Variants in ZNF280C observed in about 807,000 individuals in gnomAD.
The protein encoded by ZNF280C is suppressor of hairy wing homolog 3.
A neutral mutation model predicts 53.6 loss-of-function variants in ZNF280C; 14 were observed. That is an observed-to-expected ratio of 0.26 (90% CI 0.17 to 0.41). The LOEUF (loss-of-function observed/expected upper bound fraction) is 0.41, where lower values mean the gene tolerates loss of function less well. Among genes scored for constraint, ZNF280C ranks in the 10% least tolerant of loss-of-function variants. The pLI, the probability that ZNF280C is intolerant of heterozygous loss-of-function variation, is 1.00. For missense variants in ZNF280C, 416 were observed against 547.1 expected (o/e 0.76, Z 2.39); for synonymous variants, 203 against 181.1 (o/e 1.12, Z -0.97).
chrX:130,260,910 A>C (rs1185875176), intron 1 of ZNF280C, among the ~76,000 whole-genome samples: 1 of 112,223 alleles, frequency 8.9e-6, no homozygotes, highest in Non-Finnish European at 1.9e-5. Context: ...CCTGTAATAT[A>C]TGTTTTAGTA....
In ZNF280C at chrX:130,227,859, GTAA is replaced by G. The variant is rs1569434755; in HGVS notation, c.1148-80_1148-78del. 3 of 528,481 alleles carry G rather than the reference GTAA, an allele frequency of 5.7e-6. No homozygotes were observed. The East Asian group carries it at 1.1e-4, about 19-fold the overall frequency. The allele number at this position is 528,481 out of a possible 1,213,427, so 43.6% of individuals were successfully genotyped here. A position where few individuals can be genotyped will look rare whatever the true frequency, so the allele number is the denominator to read the frequency against. ...GATTCATTTTGTACATCCACAACAA[GTAA>G]TAATAATAGTAGAAGTAACAGTGAT... On this transcript the variant is annotated intron_variant, in intron 10 of 18. Transcript: ENST00000370978.
intron 1 of ZNF280C, among the ~76,000 whole-genome samples, chrX:130,265,289 T>A (rs1182123489): frequency 8.9e-6 from 1 of 111,967 alleles, no homozygotes; most frequent in African/African-American, 3.2e-5. Context: ...ACATTTTATG[T>A]CAGCTTTGGG....
intron 3 of ZNF280C, among the ~76,000 whole-genome samples, chrX:130,244,878 T>C (rs957849011): frequency 5.5e-5 from 6 of 109,823 alleles, no homozygotes; most frequent in South Asian, 7.8e-4. Flanking sequence ...TTTCTGATCA[T>C]AGAAATGCAG....
chrX:130,215,317 G>A lies in ZNF280C; in HGVS notation c.1855C>T (p.His619Tyr). The change falls in exon 15 of 19, where the codon CAC (histidine) becomes TAC (tyrosine). Residue 619 changes from histidine (H) to tyrosine (Y), a missense_variant. By Grantham distance (83) the His-to-Tyr change is moderately conservative. Transcript: ENST00000370978. ...TTGGAATGACATTCAATGCACTTGTGAATTCCCCGACGACACCTTATGGAG... is the reference window on the plus strand; with the variant it reads ...TTGGAATGACATTCAATGCACTTGTAAATTCCCCGACGACACCTTATGGAG... ...LKNIRCRRGI[H>Y]KCIECHSKIK... 1 of 1,193,977 alleles carries A rather than the reference G, an allele frequency of 8.4e-7. No individual in the cohort carries two copies. Among genetic ancestry groups the A allele is most frequent in the Non-Finnish European group, 1.1e-6 (1 of 887,308 alleles).
chrX:130,245,383 G>A (rs1195994105), intron 3 of ZNF280C, among the ~76,000 whole-genome samples: 1 of 111,612 alleles, frequency 9.0e-6, no homozygotes, highest in East Asian at 2.8e-4. Context: ...GAAATAATAA[G>A]AGAATATTCT....
chrX:130,250,300 C>CT (rs1334122064), intron 2 of ZNF280C, among the ~76,000 whole-genome samples: 1 of 111,592 alleles, frequency 9.0e-6, no homozygotes, highest in East Asian at 2.8e-4. Flanking sequence ...CAGAGCTGAA[C>CT]TGAAGGAGAT....
At position 130,260,372 on chromosome X, in the gene ZNF280C, G is replaced by C. The variant is rs150094252; in HGVS notation, c.31+47C>G. On this transcript the variant is annotated intron_variant, in intron 2 of 18. Coordinates refer to ENST00000370978, the MANE Select transcript of ZNF280C (RefSeq NM_017666.5). ...AATCTTTTCTTTTGAAAGGTTTACAGTACAAAAACCATGCCTATTAGTATC... is the reference window on the plus strand; with the variant it reads ...AATCTTTTCTTTTGAAAGGTTTACACTACAAAAACCATGCCTATTAGTATC... 1,166 of 1,123,151 alleles carry C rather than the reference G, an allele frequency of 1.0e-3. 7 individuals carry two copies. The East Asian group carries it at 0.032, about 31-fold the overall frequency. 92.6% of individuals were successfully genotyped at this position (1,123,151 alleles called of 1,213,427 possible).
rs148362538 is a variant in ZNF280C, at chrX:130,230,056, A to T, written c.989+454T>A. Among the ~76,000 whole-genome samples, 912 of 111,495 alleles carry T rather than the reference A, an allele frequency of 8.2e-3. 9 individuals carry two copies. Among genetic ancestry groups the T allele is most frequent in the African/African-American group, 0.028 (859 of 30,697 alleles). On this transcript the variant is annotated intron_variant, in intron 9 of 18. Transcript: ENST00000370978. The stretch of plus-strand genomic sequence containing the variant: ...TTATCTTTTTTCACACCTCCAAAAC[A>T]CTTCTCTTTGGTTTTGGTAAACGCC...
intron 1 of ZNF280C, among the ~76,000 whole-genome samples, chrX:130,261,242 C>A (rs969242859): frequency 5.4e-5 from 6 of 111,369 alleles, no homozygotes; most frequent in African/African-American, 9.8e-5. Flanking sequence ...TAAACGTTAT[C>A]AAAAAAAATG....
chrX:130,220,754 G>C (rs1274010254), intron 12 of ZNF280C, among the ~76,000 whole-genome samples: 1 of 110,767 alleles, frequency 9.0e-6, no homozygotes, highest in South Asian at 3.8e-4. Context: ...GCATAAATAC[G>C]AGTGGATCCC....
chrX:130,218,470 T>C (rs142082331), intron 13 of ZNF280C, among the ~76,000 whole-genome samples: 7 of 112,275 alleles, frequency 6.2e-5, no homozygotes, highest in African/African-American at 1.9e-4. Flanking sequence ...AAAATGTTTG[T>C]ATCTATTGGT....
intron 2 of ZNF280C, among the ~76,000 whole-genome samples, chrX:130,257,077 T>C (rs1464367986): frequency 9.5e-6 from 1 of 105,486 alleles, no homozygotes; most frequent in African/African-American, 3.5e-5. Flanking sequence ...AGCAGGTGCC[T>C]GTAGTCCCAG....
intron 12 of ZNF280C, among the ~76,000 whole-genome samples, chrX:130,223,487 T>C (rs1436540443): frequency 2.7e-5 from 3 of 112,301 alleles, no homozygotes; most frequent in African/African-American, 9.7e-5. Context: ...TGTTAGGGAA[T>C]GTGACACTGG....
rs940213960 is a variant in ZNF280C at position 130,203,082 on chromosome X, G to C, written c.*1895C>G. ...TAATGTTAATGATAGGCCCAAGACA[G>C]AGCATGTAATAATGTCTAATGGTCT... On this transcript the variant is annotated 3_prime_UTR_variant, in exon 19 of 19. Coordinates refer to ENST00000370978, the MANE Select transcript of ZNF280C (RefSeq NM_017666.5). 1.8e-5 allele frequency: 2 copies of C among 111,531 alleles called. No homozygotes were observed. The highest frequency in any genetic ancestry group is 3.8e-5 in the Non-Finnish European group (2 of 53,139). The allele number at this position is 111,531 out of a possible 1,213,427, so 9.2% of individuals were successfully genotyped here. A position where few individuals can be genotyped will look rare whatever the true frequency, so the allele number is the denominator to read the frequency against.
chrX:130,251,148 G>A (rs1466510438), intron 2 of ZNF280C, among the ~76,000 whole-genome samples: 1 of 107,232 alleles, frequency 9.3e-6, no homozygotes, highest in African/African-American at 3.4e-5. Context: ...CAGGCATGAT[G>A]GCAAGTACTT....
chrX:130,218,479 G>C (rs935119594), intron 13 of ZNF280C, among the ~76,000 whole-genome samples: 1 of 111,743 alleles, frequency 8.9e-6, no homozygotes, highest in African/African-American at 3.3e-5. Flanking sequence ...GTATCTATTG[G>C]TTAATAATAG....
chrX:130,246,911 G>A lies in ZNF280C; in HGVS notation c.126C>T (p.Asp42=), dbSNP rs1472421102. 12 of 1,209,650 alleles carry A rather than the reference G, an allele frequency of 9.9e-6. No homozygotes were observed. Among genetic ancestry groups the A allele is most frequent in the African/African-American group, 5.2e-5 (3 of 57,326 alleles). ...KKVEETQDED[D]DELIFVGEIS... is the part of the protein sequence containing the mutation. ...TCTCTCCAACAAAGATCAGTTCATC[G>A]TCATCCTCATCCTGAGTTTCTTCTA... The change falls in exon 3 of 19, where the codon GAC becomes GAT. Residue 42 remains aspartate (D), a synonymous_variant. Coordinates refer to ENST00000370978, the MANE Select transcript of ZNF280C (RefSeq NM_017666.5).
In ZNF280C at chrX:130,229,064, T is replaced by C. The variant is rs774143222; in HGVS notation, c.1060A>G (p.Thr354Ala). The C allele has an allele frequency of 4.1e-6, 5 of 1,206,617 alleles. No homozygotes were observed. The East Asian group carries it at 1.5e-4, about 36-fold the overall frequency. The stretch of plus-strand genomic sequence containing the variant: ...TATTGCCGGTAACAGTGCTGGCAGG[T>C]GGTGTGGTTTTCCCAGCTTTCATTG... ...QNNESWENHT[T>A]CQHCYRQYPT... Residue 354 changes from threonine (T) to alanine (A), a missense_variant, in exon 10 of 19, where the codon ACC becomes GCC. Transcript: ENST00000370978.
chrX:130,232,904 A>G (rs2032292761), intron 8 of ZNF280C, among the ~76,000 whole-genome samples: 1 of 111,816 alleles, frequency 8.9e-6, no homozygotes, highest in Admixed American at 9.5e-5. Flanking sequence ...ACTTCATTGC[A>G]GGGTTATTCA....
Sources: allele counts gnomAD v4.1 joint callset (sites outside exome capture counted in the v4.1 genomes callset), GRCh38; gene constraint gnomAD v4.1.1; transcripts MANE v1.5; gene names NCBI Gene and HGNC (gene_info 2026-07-23, HGNC 2026-07-21).